The following GALK2 variants were observed in gnomAD, a reference collection of about 807,000 sequenced individuals.
The protein encoded by GALK2 is N-acetylgalactosamine kinase.
Under a neutral mutation model 52.4 loss-of-function variants are expected in GALK2, and 36 were observed. The observed-to-expected ratio is 0.69, with a 90% CI of 0.53 to 0.91. The LOEUF is 0.91. Among genes scored for constraint, GALK2 ranks in the 40% least tolerant of loss-of-function variants. The probability of loss-of-function intolerance (pLI) is 0.00; values close to 1 mark genes in which losing one functional copy is unlikely to be tolerated. For synonymous variants in GALK2, 176 were observed against 199.1 expected (o/e 0.88, Z 0.98); for missense variants, 579 against 559.1 (o/e 1.04, Z -0.36).
chr15:49,235,887 T>C lies in GALK2; in HGVS notation c.303T>C (p.Asp101=). 1 of 1,613,860 alleles carries C rather than the reference T, an allele frequency of 6.2e-7. No individual in the cohort carries two copies. Among genetic ancestry groups the C allele is most frequent in the Non-Finnish European group, 8.5e-7 (1 of 1,179,736 alleles). ...FSTSANNIQI[D]KTKPLWHNYF... is the part of the protein sequence containing the mutation. ...CTAGTGCTAATAACATCCAGATTGA[T>C]AAAACCAAGCCTTTGTGGCACAACT... The change falls in exon 4 of 10, where the codon GAT becomes GAC. Residue 101 remains aspartate (D), a synonymous_variant. Coordinates refer to ENST00000560031, the MANE Select transcript of GALK2 (RefSeq NM_002044.4).
Position 49,285,365 on chromosome 15 carries a change from G to A in GALK2, c.756+1647G>A, listed in dbSNP as rs141258234. Among the ~76,000 whole-genome samples, 442 of 151,796 alleles carry A rather than the reference G, an allele frequency of 2.9e-3. 2 individuals are homozygous for A. Among genetic ancestry groups the A allele is most frequent in the African/African-American group, 0.01 (420 of 41,384 alleles). On this transcript the variant is annotated intron_variant, in intron 7 of 9. Transcript: ENST00000560031. ...TTTAGTTTTAGCCATTCCCTCCACCGACCCACCCTGGGCAGGGATGAAGGG... is the reference window on the plus strand; with the variant it reads ...TTTAGTTTTAGCCATTCCCTCCACCAACCCACCCTGGGCAGGGATGAAGGG...
intron 1 of GALK2, among the ~76,000 whole-genome samples, chr15:49,179,204 GTAA>G (rs2085761583): frequency 6.6e-6 from 1 of 151,926 alleles, no homozygotes; most frequent in Non-Finnish European, 1.5e-5. Context: ...AAATATAACA[GTAA>G]TAATAGTAAT....
chr15:49,277,804 A>G (rs369792739), intron 5 of GALK2, among the ~76,000 whole-genome samples: 31 of 152,020 alleles, frequency 2.0e-4, no homozygotes, highest in African/African-American at 7.5e-4. Flanking sequence ...CAAACAAACG[A>G]ACAAACAAAA....
At position 49,366,330 on chromosome 15, in the gene GALK2, T is replaced by C. The variant is rs991056043; in HGVS notation, c.427-1161T>C. 1.9e-5 allele frequency: 15 copies of C among 786,496 alleles called. No homozygotes were observed. In the African/African-American group the frequency reaches 2.4e-4, roughly 12 times the overall value. 48.7% of individuals were successfully genotyped at this position (786,496 alleles called of 1,614,324 possible). On this transcript the variant is annotated intron_variant, in intron 3 of 3. Transcript: ENST00000558399. ...CTGTTACCTGAGGTAGGAAATAGGATACTGTTATTGACAACCAACATTGCT... is the reference window on the plus strand; with the variant it reads ...CTGTTACCTGAGGTAGGAAATAGGACACTGTTATTGACAACCAACATTGCT...
intron 8 of GALK2, among the ~76,000 whole-genome samples, chr15:49,302,671 T>TA (rs1239590619): frequency 2.0e-5 from 3 of 152,236 alleles, no homozygotes; most frequent in Non-Finnish European, 4.4e-5. Context: ...TATCAAGCAC[T>TA]AAACTCTGTG....
In GALK2 at chr15:49,328,398, A is replaced by C; in HGVS notation, c.*239A>C. 7.0e-7 allele frequency: 1 copy of C among 1,430,140 alleles called. No individual in the cohort carries two copies. Among genetic ancestry groups the C allele is most frequent in the South Asian group, 1.6e-5 (1 of 62,938 alleles). 88.6% of individuals were successfully genotyped at this position (1,430,140 alleles called of 1,614,324 possible). A position where few individuals can be genotyped will look rare whatever the true frequency, so the allele number is the denominator to read the frequency against. ...AGATCATGCTTGGACAGATCTTTTAAGAATAACTTACTGAGATTTATTGAT... is the reference window on the plus strand; with the variant it reads ...AGATCATGCTTGGACAGATCTTTTACGAATAACTTACTGAGATTTATTGAT... On this transcript the variant is annotated 3_prime_UTR_variant, in exon 10 of 10. Coordinates refer to ENST00000560031, the MANE Select transcript of GALK2 (RefSeq NM_002044.4).
chr15:49,249,456 A>G (rs2091497210), intron 5 of GALK2, among the ~76,000 whole-genome samples: 1 of 152,240 alleles, frequency 6.6e-6, no homozygotes, highest in African/African-American at 2.4e-5. Context: ...AGGATGACTC[A>G]GTTAAACTGG....
chr15:49,267,731 C>T (rs1490166116), intron 5 of GALK2, among the ~76,000 whole-genome samples: 3 of 152,024 alleles, frequency 2.0e-5, no homozygotes, highest in South Asian at 2.1e-4. Context: ...TAGTTATTGG[C>T]ATATTTTTCT....
At chr15:49,159,842 G>A (rs1174094304) in intron 1 of GALK2, among the ~76,000 whole-genome samples, 2 of 152,112 alleles carry the variant, frequency 1.3e-5, no homozygotes, top group African/African-American at 4.8e-5. Flanking sequence ...TATCAGCTTT[G>A]ATTGTATGTA....
chr15:49,255,817 T>C (rs912294008), intron 5 of GALK2, among the ~76,000 whole-genome samples: 25 of 152,146 alleles, frequency 1.6e-4, no homozygotes, highest in African/African-American at 5.8e-4. Context: ...TAATTAATAA[T>C]GCATGTTTGT....
At chr15:49,222,306 A>C (rs2089855988) in intron 3 of GALK2, among the ~76,000 whole-genome samples, 1 of 152,104 alleles carries the variant, frequency 6.6e-6, no homozygotes, top group South Asian at 2.1e-4. Context: ...TTTAGAGTCT[A>C]GGTTTTTCTG....
chr15:49,161,454 A>G (rs1419063822), intron 1 of GALK2, among the ~76,000 whole-genome samples: 2 of 152,190 alleles, frequency 1.3e-5, no homozygotes, highest in African/African-American at 4.8e-5. Flanking sequence ...GACCTTATTC[A>G]CATAGCCTAT....
intron 1 of GALK2, among the ~76,000 whole-genome samples, chr15:49,162,912 A>G (rs2084700839): frequency 6.6e-6 from 1 of 152,232 alleles, no homozygotes; most frequent in Non-Finnish European, 1.5e-5. Context: ...AGGATGGAAA[A>G]TTGTGAGATA....
intron 3 of GALK2, among the ~76,000 whole-genome samples, chr15:49,360,240 GA>G (rs34095368): frequency 0.22 from 32,952 of 147,360 alleles, 3,732 homozygotes; most frequent in South Asian, 0.25. Context: ...ATAGTATAAG[GA>G]AAAAAAAAAA....
intron 1 of GALK2, among the ~76,000 whole-genome samples, chr15:49,186,834 G>C (rs2086386006): frequency 6.6e-6 from 1 of 152,120 alleles, no homozygotes; most frequent in South Asian, 2.1e-4. Flanking sequence ...ACTGCGCCTG[G>C]TCTGTTATCC....
intron 5 of GALK2, among the ~76,000 whole-genome samples, chr15:49,242,169 A>G (rs2091127437): frequency 6.6e-6 from 1 of 152,340 alleles, no homozygotes. Context: ...AGCTAGTTCA[A>G]AATGCTCCTT....
intron 8 of GALK2, among the ~76,000 whole-genome samples, chr15:49,293,887 G>T (rs2034185926): frequency 6.6e-6 from 1 of 151,862 alleles, no homozygotes; most frequent in Admixed American, 6.6e-5. Flanking sequence ...ATCACTTGAG[G>T]CCAGGAGTTC....
intron 3 of GALK2, chr15:49,366,054 T>C (rs2045125610): frequency 1.2e-6 from 1 of 817,994 alleles, no homozygotes; most frequent in Non-Finnish European, 2.2e-6. Context: ...CTTCCTTTTT[T>C]TTCCCTCATT....
At chr15:49,219,342 C>T (rs1250699769) in intron 3 of GALK2, among the ~76,000 whole-genome samples, 1 of 152,070 alleles carries the variant, frequency 6.6e-6, no homozygotes, top group Non-Finnish European at 1.5e-5. Flanking sequence ...TCTCTTTTTG[C>T]CTGACACCAT....
Sources: allele counts gnomAD v4.1 joint callset (sites outside exome capture counted in the v4.1 genomes callset), GRCh38; gene constraint gnomAD v4.1.1; transcripts MANE v1.5; gene names NCBI Gene and HGNC (gene_info 2026-07-23, HGNC 2026-07-21).